The following NAALADL2 variants were observed in gnomAD, a reference collection of about 807,000 sequenced individuals.
The protein encoded by NAALADL2 is N-acetylated alpha-linked acidic dipeptidase like 2.
A neutral mutation model predicts 87.2 loss-of-function variants in NAALADL2; 76 were observed. The ratio of observed to expected loss-of-function variants is 0.87; its 90% CI spans 0.72 to 1.05. NAALADL2 has a LOEUF of 1.05. NAALADL2 is among the 50% of genes least tolerant of loss of function. The probability of loss-of-function intolerance (pLI) is 0.00; values close to 1 mark genes in which losing one functional copy is unlikely to be tolerated. For missense variants in NAALADL2, 1,089 were observed against 945.8 expected (o/e 1.15, Z -1.99); for synonymous variants, 354 against 331.0 (o/e 1.07, Z -0.75).
At chr3:175,162,355 A>T (rs112097488) in intron 2 of NAALADL2, among the ~76,000 whole-genome samples, 1 of 152,270 alleles carries the variant, frequency 6.6e-6, no homozygotes, top group East Asian at 1.9e-4. Flanking sequence ...TGTTGTCTAC[A>T]TAGATATCCA....
chr3:174,532,968 C>T (rs1560036373), intron 1 of NAALADL2, among the ~76,000 whole-genome samples: 2 of 151,462 alleles, frequency 1.3e-5, no homozygotes, highest in South Asian at 2.1e-4. Context: ...TGTTAGATGC[C>T]AGGCATGCCA....
At chr3:174,828,502 G>C (rs1372276472) in intron 3 of NAALADL2, among the ~76,000 whole-genome samples, 7 of 152,130 alleles carry the variant, frequency 4.6e-5, no homozygotes, top group African/African-American at 7.2e-5. Flanking sequence ...TTCAGAACGA[G>C]TGAAACTAAA....
intron 1 of NAALADL2, among the ~76,000 whole-genome samples, chr3:174,485,810 G>A (rs567941980): frequency 2.2e-4 from 34 of 152,000 alleles, no homozygotes; most frequent in African/African-American, 5.1e-4. Context: ...ATGCATGCCC[G>A]TTCCTGTGTC....
upstream of NAALADL2, among the ~76,000 whole-genome samples, chr3:174,858,379 A>G (rs1398726395): frequency 6.6e-6 from 1 of 152,034 alleles, no homozygotes; most frequent in African/African-American, 2.4e-5. Context: ...TCACATACAA[A>G]TGAATATTTA....
intron 13 of NAALADL2, among the ~76,000 whole-genome samples, chr3:175,799,686 C>A (rs1028220017): frequency 6.6e-6 from 1 of 152,090 alleles, no homozygotes; most frequent in Admixed American, 6.6e-5. Context: ...TGAAATAAAA[C>A]TAATATTTAG....
intron 2 of NAALADL2, among the ~76,000 whole-genome samples, chr3:174,705,507 G>A (rs777459148): frequency 6.6e-6 from 1 of 152,118 alleles, no homozygotes; most frequent in South Asian, 2.1e-4. Flanking sequence ...GTTCTGGGCC[G>A]GGCGCGATGG....
At chr3:175,093,422 A>ATAT (rs2108340689) in intron 1 of NAALADL2, among the ~76,000 whole-genome samples, 1 of 139,454 alleles carries the variant, frequency 7.2e-6, no homozygotes, top group African/African-American at 2.6e-5. Context: ...TTTTTTATAT[A>ATAT]TATATATATA....
intron 1 of NAALADL2, among the ~76,000 whole-genome samples, chr3:174,929,447 A>T (rs1046787115): frequency 6.6e-5 from 10 of 152,154 alleles, no homozygotes; most frequent in African/African-American, 2.4e-4. Flanking sequence ...AAAATGGTAG[A>T]ATTATGCTTA....
At chr3:174,458,436 C>G (rs1715992166) in intron 1 of NAALADL2, 3 of 152,166 alleles carry the variant, frequency 2.0e-5, no homozygotes. Context: ...TGTTGTATTG[C>G]TTGGTATCCA....
chr3:174,758,598 C>T (rs2109062925), intron 3 of NAALADL2, among the ~76,000 whole-genome samples: 1 of 152,300 alleles, frequency 6.6e-6, no homozygotes, highest in African/African-American at 2.4e-5. Context: ...ATATTTTCCT[C>T]CTTCCCAGTT....
intron 10 of NAALADL2, among the ~76,000 whole-genome samples, chr3:175,610,010 A>G (rs1469890793): frequency 6.6e-6 from 1 of 152,176 alleles, no homozygotes; most frequent in Non-Finnish European, 1.5e-5. Flanking sequence ...AATTTACCTA[A>G]TTTATAATAT....
Position 175,177,741 on chromosome 3 carries a change from C to T in NAALADL2, c.546-56190C>T, listed in dbSNP as rs866716645. Among the ~76,000 whole-genome samples the T allele has an allele frequency of 5.1e-4, 78 of 151,930 alleles. 1 individual carries two copies. Among genetic ancestry groups the T allele is most frequent in the Non-Finnish European group, 1.8e-4 (12 of 67,994 alleles). ...TCCTCTAAATATTTTCATGTATGCA[C>T]GTATTTAATCCTTGCAACTACTCTG... On this transcript the variant is annotated intron_variant, in intron 2 of 13. Transcript: ENST00000454872.
chr3:175,712,858 G>T (rs1740715665), intron 11 of NAALADL2, among the ~76,000 whole-genome samples: 1 of 152,022 alleles, frequency 6.6e-6, no homozygotes, highest in South Asian at 2.1e-4. Flanking sequence ...ATATTCTGGA[G>T]CTCCAAATTA....
At chr3:175,503,029 C>T (rs1475964600) in intron 9 of NAALADL2, among the ~76,000 whole-genome samples, 1 of 151,532 alleles carries the variant, frequency 6.6e-6, no homozygotes, top group Non-Finnish European at 1.5e-5. Flanking sequence ...TGTTGTCACC[C>T]AGGTAATCTG....
intron 2 of NAALADL2, among the ~76,000 whole-genome samples, chr3:175,174,768 C>T (rs1735433441): frequency 1.8e-5 from 2 of 112,824 alleles, no homozygotes; most frequent in Non-Finnish European, 4.1e-5. Flanking sequence ...ATATGCTATT[C>T]ATGTGTGTGT....
intron 1 of NAALADL2, among the ~76,000 whole-genome samples, chr3:174,862,953 T>C (rs187754010): frequency 6.6e-6 from 1 of 152,074 alleles, no homozygotes; most frequent in East Asian, 1.9e-4. Context: ...TACAGAGGAG[T>C]TGGCTGGATC....
intron 5 of NAALADL2, among the ~76,000 whole-genome samples, chr3:175,422,659 C>G (rs941706753): frequency 4.9e-5 from 6 of 122,226 alleles, no homozygotes; most frequent in Non-Finnish European, 1.1e-4. Context: ...GCTAAAGAGA[C>G]TGCAGAGACA....
intron 5 of NAALADL2, among the ~76,000 whole-genome samples, chr3:175,377,930 G>A (rs1767348086): frequency 1.3e-5 from 2 of 152,012 alleles, no homozygotes; most frequent in Non-Finnish European, 2.9e-5. Flanking sequence ...CACTTTCATT[G>A]GCAATAAACC....
chr3:175,387,097 C>T (rs374383886), intron 5 of NAALADL2, among the ~76,000 whole-genome samples: 1 of 151,992 alleles, frequency 6.6e-6, no homozygotes, highest in Non-Finnish European at 1.5e-5. Flanking sequence ...TTGCTTTGTA[C>T]TTCAAACTGC....
Sources: allele counts gnomAD v4.1 joint callset (sites outside exome capture counted in the v4.1 genomes callset), GRCh38; gene constraint gnomAD v4.1.1; transcripts MANE v1.5; gene names NCBI Gene and HGNC (gene_info 2026-07-23, HGNC 2026-07-21).